RABGAP1L: variants seen among roughly 807,000 people sequenced by gnomAD.
RABGAP1L encodes rab GTPase-activating protein 1-like.
A neutral mutation model predicts 137.7 loss-of-function variants in RABGAP1L; 63 were observed. That is an observed-to-expected ratio of 0.46 (90% CI 0.37 to 0.56). The LOEUF (loss-of-function observed/expected upper bound fraction) is 0.56. RABGAP1L is among the 20% of genes least tolerant of loss of function. The pLI, the probability that RABGAP1L is intolerant of heterozygous loss-of-function variation, is 0.00. For missense variants in RABGAP1L, 1,095 were observed against 1,244.0 expected, an observed-to-expected ratio of 0.88 and a Z score of 1.80; for synonymous variants, 431 against 433.7, an observed-to-expected ratio of 0.99 and a Z score of 0.08.
At chr1:174,691,087 C>T (rs1678845340) in intron 15 of RABGAP1L, among the ~76,000 whole-genome samples, 1 of 152,092 alleles carries the variant, frequency 6.6e-6, no homozygotes, top group Non-Finnish European at 1.5e-5. Context: ...CACAGCCTCC[C>T]AAAGTGCTGG....
intron 13 of RABGAP1L, among the ~76,000 whole-genome samples, chr1:174,603,131 C>T (rs1465146464): frequency 6.6e-6 from 1 of 152,068 alleles, no homozygotes; most frequent in Non-Finnish European, 1.5e-5. Flanking sequence ...AGTATTGTGG[C>T]CTAAGTCTTT....
chr1:174,672,716 T>C (rs1677277597), intron 14 of RABGAP1L, among the ~76,000 whole-genome samples: 1 of 152,144 alleles, frequency 6.6e-6, no homozygotes, highest in Admixed American at 6.5e-5. Context: ...CATTGACTTA[T>C]TGATTGTTCA....
At chr1:174,312,274 G>C (rs1044943058) in intron 11 of RABGAP1L, among the ~76,000 whole-genome samples, 21 of 152,126 alleles carry the variant, frequency 1.4e-4, no homozygotes, top group African/African-American at 4.8e-4. Context: ...CCTTTTGGAT[G>C]TAAGCTATTT....
chr1:174,562,148 C>A (rs1667263353), intron 13 of RABGAP1L, among the ~76,000 whole-genome samples: 1 of 152,156 alleles, frequency 6.6e-6, no homozygotes, highest in South Asian at 2.1e-4. Flanking sequence ...AGAACTTAAA[C>A]AGATTTACAA....
At chr1:174,238,643 G>T (rs1002680768) in intron 4 of RABGAP1L, among the ~76,000 whole-genome samples, 17 of 149,968 alleles carry the variant, frequency 1.1e-4, no homozygotes, top group Non-Finnish European at 1.6e-4. Context: ...CTCCAGCTGC[G>T]TGCTGGGAGA....
At chr1:174,563,681 G>GTAT (rs1380597147) in intron 13 of RABGAP1L, among the ~76,000 whole-genome samples, 2 of 152,144 alleles carry the variant, frequency 1.3e-5, no homozygotes, top group Non-Finnish European at 2.9e-5. Context: ...GTGTGAATGT[G>GTAT]TAATAGTTGT....
chr1:174,335,027 T>C (rs922341099), intron 11 of RABGAP1L, among the ~76,000 whole-genome samples: 2 of 152,166 alleles, frequency 1.3e-5, no homozygotes, highest in African/African-American at 4.8e-5. Flanking sequence ...TTCTTAACAG[T>C]TTTTCACTAT....
At position 174,991,738 on chromosome 1, in the gene RABGAP1L, C is replaced by G. The variant is rs1177989751; in HGVS notation, c.*1737C>G. The G allele has an allele frequency of 5.4e-5, 8 of 148,926 alleles. No individual in the cohort carries two copies. The highest frequency in any genetic ancestry group is 2.0e-4 in the African/African-American group (8 of 40,616). 9.2% of individuals were successfully genotyped at this position (148,926 alleles called of 1,614,324 possible). ...CCAGCATTCCAAGTGTCTGTGTTGGCTTTAACATTCTCTACATGGTGGTCT... is the reference window on the plus strand; with the variant it reads ...CCAGCATTCCAAGTGTCTGTGTTGGGTTTAACATTCTCTACATGGTGGTCT... On this transcript the variant is annotated 3_prime_UTR_variant, in exon 26 of 26. Transcript: ENST00000681986.
chr1:174,291,213 T>G (rs1336791130), intron 10 of RABGAP1L, among the ~76,000 whole-genome samples: 1 of 152,172 alleles, frequency 6.6e-6, no homozygotes, highest in East Asian at 1.9e-4. Flanking sequence ...AATATTTTTC[T>G]GCATCTTTGT....
chr1:174,814,488 G>A (rs140033333), intron 19 of RABGAP1L, among the ~76,000 whole-genome samples: 2 of 152,188 alleles, frequency 1.3e-5, no homozygotes, highest in Non-Finnish European at 2.9e-5. Context: ...GAAGACATAA[G>A]TCATCCAGTA....
chr1:174,228,636 G>T (rs998402262), intron 3 of RABGAP1L, among the ~76,000 whole-genome samples: 1 of 152,132 alleles, frequency 6.6e-6, no homozygotes, highest in Non-Finnish European at 1.5e-5. Flanking sequence ...GAAGAACATG[G>T]TAGATGAAGT....
intron 19 of RABGAP1L, among the ~76,000 whole-genome samples, chr1:174,882,792 TAAACAA>T (rs1654448569): frequency 6.6e-6 from 1 of 151,406 alleles, no homozygotes; most frequent in African/African-American, 2.4e-5. Flanking sequence ...TGTGATAACC[TAAACAA>T]AAGCCTAGTC....
intron 13 of RABGAP1L, among the ~76,000 whole-genome samples, chr1:174,505,410 A>T (rs1661726234): frequency 6.6e-6 from 1 of 151,880 alleles, no homozygotes. Context: ...TTATTCCCAA[A>T]ACATTATATC....
At chr1:174,879,337 A>G (rs1461665260) in intron 19 of RABGAP1L, among the ~76,000 whole-genome samples, 1 of 151,960 alleles carries the variant, frequency 6.6e-6, no homozygotes, top group African/African-American at 2.4e-5. Flanking sequence ...TGATCTTGTG[A>G]TCTACCCGCC....
chr1:174,596,720 C>G (rs934403413), intron 13 of RABGAP1L, among the ~76,000 whole-genome samples: 3 of 152,058 alleles, frequency 2.0e-5, no homozygotes, highest in African/African-American at 7.2e-5. Context: ...TTTATCTTAT[C>G]TGATTCCTTT....
intron 13 of RABGAP1L, among the ~76,000 whole-genome samples, chr1:174,630,850 G>C (rs995315475): frequency 7.1e-6 from 1 of 140,288 alleles, no homozygotes; most frequent in Non-Finnish European, 1.5e-5. Context: ...CCAGCTCCTG[G>C]ATTCATTGAT....
chr1:174,468,341 A>G (rs984575503), intron 13 of RABGAP1L, among the ~76,000 whole-genome samples: 11 of 152,184 alleles, frequency 7.2e-5, no homozygotes, highest in African/African-American at 2.7e-4. Flanking sequence ...TTATACTGAA[A>G]TACTAGAAGA....
intron 7 of RABGAP1L, among the ~76,000 whole-genome samples, chr1:174,266,189 C>G (rs1674058164): frequency 6.6e-6 from 1 of 152,098 alleles, no homozygotes; most frequent in Non-Finnish European, 1.5e-5. Flanking sequence ...CTTCAGTTTG[C>G]AATTTGTAAA....
At chr1:174,605,516 T>TA (rs1557890302) in intron 13 of RABGAP1L, among the ~76,000 whole-genome samples, 1 of 152,156 alleles carries the variant, frequency 6.6e-6, no homozygotes, top group African/African-American at 2.4e-5. Context: ...CTTTTTTTTT[T>TA]AATCTCCTAT....
Sources: allele counts gnomAD v4.1 joint callset (sites outside exome capture counted in the v4.1 genomes callset), GRCh38; gene constraint gnomAD v4.1.1; transcripts MANE v1.5; gene names NCBI Gene and HGNC (gene_info 2026-07-23, HGNC 2026-07-21).